Variants in SCAPER observed in about 807,000 individuals in gnomAD.
SCAPER encodes the protein S phase cyclin A-associated protein in the endoplasmic reticulum.
A neutral mutation model predicts 182.2 loss-of-function variants in SCAPER; 98 were observed. The ratio of observed to expected loss-of-function variants is 0.54; its 90% CI spans 0.46 to 0.64. SCAPER has a LOEUF of 0.64. SCAPER is among the 30% of genes least tolerant of loss of function. The pLI is 0.00. For missense variants in SCAPER, 1,432 were observed against 1,690.0 expected (o/e 0.85, Z 2.68); for synonymous variants, 605 against 564.6 (o/e 1.07, Z -1.01).
chr15:76,501,854 C>A (rs1243603796), intron 24 of SCAPER, among the ~76,000 whole-genome samples: 1 of 152,174 alleles, frequency 6.6e-6, no homozygotes, highest in African/African-American at 2.4e-5. Flanking sequence ...AGGAGAGCAA[C>A]TGGAAGGAAA....
intron 7 of SCAPER, among the ~76,000 whole-genome samples, chr15:76,799,693 C>T (rs544433291): frequency 6.6e-5 from 10 of 152,300 alleles, no homozygotes; most frequent in African/African-American, 7.2e-5. Context: ...GAACTGCCCA[C>T]GACGGCCCAG....
intron 17 of SCAPER, among the ~76,000 whole-genome samples, chr15:76,711,161 A>G (rs1250744545): frequency 6.6e-6 from 1 of 152,206 alleles, no homozygotes; most frequent in East Asian, 1.9e-4. Flanking sequence ...TTTCTTAGAT[A>G]TGAAAACCAT....
chr15:76,657,903 A>G (rs1039640340), intron 21 of SCAPER, among the ~76,000 whole-genome samples: 7 of 152,240 alleles, frequency 4.6e-5, no homozygotes, highest in African/African-American at 1.7e-4. Flanking sequence ...CTAGGCAGAA[A>G]AGGAATATGC....
intron 28 of SCAPER, chr15:76,380,704 G>C (rs2042887392): frequency 6.6e-6 from 1 of 151,978 alleles, no homozygotes; most frequent in East Asian, 1.9e-4. Context: ...CAAAGGTTCA[G>C]TGTTTTTGAA....
intron 13 of SCAPER, 41 bp downstream of exon 13, chr15:76,765,296 C>T: frequency 6.6e-7 from 1 of 1,508,570 alleles, no homozygotes; most frequent in Non-Finnish European, 9.1e-7. Flanking sequence ...GGCTAGTTTC[C>T]TTGCTGTGAA....
chr15:76,512,414 A>G (rs1180999168), intron 23 of SCAPER, among the ~76,000 whole-genome samples: 1 of 151,946 alleles, frequency 6.6e-6, no homozygotes, highest in Non-Finnish European at 1.5e-5. Flanking sequence ...CTCCTCTCAT[A>G]TTCCATCTTA....
At chr15:76,770,314 T>A (rs1055218176) in intron 10 of SCAPER, among the ~76,000 whole-genome samples, 6 of 151,766 alleles carry the variant, frequency 4.0e-5, no homozygotes, top group Non-Finnish European at 8.8e-5. Flanking sequence ...GTAACAAACC[T>A]GTACATTGTG....
chr15:76,428,893 T>TATATATATATATATATAA (rs561331843), intron 26 of SCAPER, among the ~76,000 whole-genome samples: 2 of 139,576 alleles, frequency 1.4e-5, no homozygotes, highest in African/African-American at 5.4e-5. Flanking sequence ...TATATATATA[T>TATATATATATATATATAA]AAACATCAAA....
chr15:76,422,753 G>T (rs573664991), intron 26 of SCAPER, among the ~76,000 whole-genome samples: 1 of 152,200 alleles, frequency 6.6e-6, no homozygotes, highest in South Asian at 2.1e-4. Flanking sequence ...ACTGGCTGTG[G>T]GTTTGCCATA....
chr15:76,745,284 T>C (rs2061734629), intron 15 of SCAPER, among the ~76,000 whole-genome samples: 1 of 151,410 alleles, frequency 6.6e-6, no homozygotes, highest in Non-Finnish European at 1.5e-5. Flanking sequence ...TACTAAAAAA[T>C]AAAAAAATAA....
At chr15:76,809,890 C>T (rs1465640782) in intron 5 of SCAPER, among the ~76,000 whole-genome samples, 2 of 152,088 alleles carry the variant, frequency 1.3e-5, no homozygotes, top group Non-Finnish European at 2.9e-5. Flanking sequence ...CAGGGGCCCC[C>T]ATAACACTAT....
In SCAPER at chr15:76,476,408, CTTCCT is replaced by C. The variant is rs200179166; in HGVS notation, c.2955-5078_2955-5074del. Among the ~76,000 whole-genome samples, 230 of 151,472 alleles carry C rather than the reference CTTCCT, an allele frequency of 1.5e-3. 8 individuals are homozygous for C. In the East Asian group the frequency reaches 0.032, roughly 21 times the overall value. On this transcript the variant is annotated intron_variant, in intron 24 of 31. Transcript: ENST00000563290. The stretch of plus-strand genomic sequence containing the variant: ...ACAATTTTCTTTTTCCTTCCTTTCC[CTTCCT>C]TTCCTTTCTTTTCTTTCTTTCTTTT...
At chr15:76,716,843 G>T (rs1178429774) in intron 17 of SCAPER, among the ~76,000 whole-genome samples, 1 of 151,856 alleles carries the variant, frequency 6.6e-6, no homozygotes, top group Non-Finnish European at 1.5e-5. Flanking sequence ...AAACAGAAAA[G>T]GTTTATATAA....
At chr15:76,517,219 T>C (rs1240979074) in intron 23 of SCAPER, among the ~76,000 whole-genome samples, 1 of 152,076 alleles carries the variant, frequency 6.6e-6, no homozygotes, top group Non-Finnish European at 1.5e-5. Flanking sequence ...AAGATTTTAC[T>C]ATATATACAT....
intron 25 of SCAPER, among the ~76,000 whole-genome samples, chr15:76,461,146 T>G (rs929785761): frequency 1.3e-5 from 2 of 152,096 alleles, no homozygotes; most frequent in African/African-American, 4.8e-5. Context: ...TCTCATAATT[T>G]GATGGTGGTT....
intron 17 of SCAPER, among the ~76,000 whole-genome samples, chr15:76,709,219 C>A (rs529472382): frequency 6.6e-6 from 1 of 152,266 alleles, no homozygotes; most frequent in South Asian, 2.1e-4. Flanking sequence ...GCAACCTCCA[C>A]CTCCAGGGTT....
At chr15:76,782,659 G>A (rs1331118078) in intron 8 of SCAPER, among the ~76,000 whole-genome samples, 2 of 151,872 alleles carry the variant, frequency 1.3e-5, no homozygotes, top group Non-Finnish European at 1.5e-5. Flanking sequence ...AATGTAAAAG[G>A]ATAAAAATCA....
chr15:76,691,627 T>G (rs984072877), intron 20 of SCAPER, among the ~76,000 whole-genome samples: 2 of 152,132 alleles, frequency 1.3e-5, no homozygotes, highest in African/African-American at 2.4e-5. Flanking sequence ...CAAGCTATAA[T>G]TCTACCCCCA....
In SCAPER at chr15:76,766,961, T is replaced by C; in HGVS notation, c.1376A>G (p.Asn459Ser). 1 of 1,609,416 alleles carries C rather than the reference T, an allele frequency of 6.2e-7. No homozygotes were observed. Among genetic ancestry groups the C allele is most frequent in the Non-Finnish European group, 8.5e-7 (1 of 1,178,212 alleles). Residue 459 changes from asparagine to serine, a missense_variant, in exon 11 of 32, where the codon AAC becomes AGC. Asn to Ser is a conservative substitution (Grantham distance 46). Coordinates refer to ENST00000563290, the MANE Select transcript of SCAPER (RefSeq NM_020843.4). Reference protein sequence around the residue: ...QLTREIEAEENNDINIETDND... With the variant: ...QLTREIEAEESNDINIETDND... The stretch of plus-strand genomic sequence containing the variant: ...GTCAGTTTCAATGTTAATATCATTG[T>C]TTTCTTCAGCTTCAATTTCTCTAGT...
Sources: gnomAD v4.1 joint callset for allele counts (sites outside exome capture counted in the v4.1 genomes callset) on GRCh38, gnomAD v4.1.1 for gene constraint, MANE v1.5 for transcripts, NCBI Gene and HGNC (gene_info 2026-07-23, HGNC 2026-07-21) for gene names.